GBA2: variants seen among roughly 807,000 people sequenced by gnomAD.
The protein encoded by GBA2 is non-lysosomal glucosylceramidase.
GBA2 carries 79 observed loss-of-function variants against 112.9 expected under a neutral mutation model. The ratio of observed to expected loss-of-function variants is 0.70; its 90% CI spans 0.58 to 0.84. The LOEUF (loss-of-function observed/expected upper bound fraction) is 0.84, where lower values mean the gene tolerates loss of function less well. GBA2 is among the 40% of genes least tolerant of loss of function. The pLI is 0.00. For missense variants in GBA2, 1,043 were observed against 1,190.0 expected (o/e 0.88, Z 1.82); for synonymous variants, 403 against 434.3 (o/e 0.93, Z 0.90).
intron 3 of GBA2, among the ~76,000 whole-genome samples, chr9:35,742,617 T>C (rs937108126): frequency 1.3e-5 from 2 of 152,196 alleles, no homozygotes; most frequent in African/African-American, 4.8e-5. Context: ...GGGACATTTT[T>C]TAATTCACTG....
At position 35,740,906 on chromosome 9, in the gene GBA2, G is replaced by C. The variant is rs369520290; in HGVS notation, c.945C>G (p.Ser315Arg). 6.2e-7 allele frequency: 1 copy of C among 1,613,772 alleles called. No homozygotes were observed. Among genetic ancestry groups the C allele is most frequent in the Non-Finnish European group, 8.5e-7 (1 of 1,179,786 alleles). ...LWNEPFCLER[S>R]GETVRGLLLH... ...GGAGCAGCCCCCGGACAGTTTCCCC[G>C]CTACGCTCCAGACAGAAGGGCTCAT... is the stretch of plus-strand genomic sequence containing the variant. Residue 315 changes from serine (S) to arginine (R), a missense_variant, in exon 5 of 17, where the codon AGC (serine) becomes AGG (arginine). Transcript: ENST00000378103. This position sits in a 1 kb window ranked among gnomAD's most constrained non-coding sequence, Gnocchi z 4.7.
In GBA2 at chr9:35,737,675, G is replaced by A. The variant is rs1357658760; in HGVS notation, c.2505+73C>T. ...AGATGGCATTGGGTTATGCCTTGAAGAAATTTGGTGGTTGAGGAAGTTTTC... is the reference window on the plus strand; with the variant it reads ...AGATGGCATTGGGTTATGCCTTGAAAAAATTTGGTGGTTGAGGAAGTTTTC... On this transcript the variant is annotated intron_variant, in intron 16 of 16. Coordinates refer to ENST00000378103, the MANE Select transcript of GBA2 (RefSeq NM_020944.3). This position sits in a 1 kb window ranked among gnomAD's most constrained non-coding sequence, Gnocchi z 4.1. 5.0e-6 allele frequency: 8 copies of A among 1,612,430 alleles called. No individual in the cohort carries two copies. The highest frequency in any genetic ancestry group is 1.7e-5 in the Admixed American group (1 of 59,882).
Position 35,740,708 on chromosome 9 carries a change from A to T in GBA2, c.1027-80T>A. ...GCTAGCTCCCCAGCTCCTCTTACTT[A>T]CTCTTAACCTCCCAGGCCCAGGGGC... On this transcript the variant is annotated intron_variant, in intron 5 of 16. Coordinates refer to ENST00000378103, the MANE Select transcript of GBA2 (RefSeq NM_020944.3). The surrounding 1 kb of genome is among the most constrained non-coding windows in gnomAD (Gnocchi z 4.7). The T allele has an allele frequency of 6.6e-7, 1 of 1,522,900 alleles. No homozygotes were observed. Among genetic ancestry groups the T allele is most frequent in the South Asian group, 1.1e-5 (1 of 87,000 alleles). The allele number at this position is 1,522,900 out of a possible 1,614,324, so 94.3% of individuals were successfully genotyped here.
rs1827116558 is a variant in GBA2, at chr9:35,748,541, T to G, written c.164A>C (p.Lys55Thr). The change falls in exon 1 of 17, where the codon AAA becomes ACA. Residue 55 changes from lysine to threonine, a missense_variant. Lys to Thr is a moderately conservative substitution (Grantham distance 78). Transcript: ENST00000378103. ...CTCCGGATTGCAGCAGTCCGTCTCT[T>G]TTGGGGGTCGGCTGTCTTCGGGACT... ...CKSPEDSRPP[K>T]ETDCCNPEDS... 1 of 1,614,002 alleles carries G rather than the reference T, an allele frequency of 6.2e-7. No homozygotes were observed. Among genetic ancestry groups the G allele is most frequent in the African/African-American group, 1.3e-5 (1 of 74,912 alleles).
At position 35,737,570 on chromosome 9, in the gene GBA2, A is replaced by C; in HGVS notation, c.2506-123T>G. 1 of 1,556,798 alleles carries C rather than the reference A, an allele frequency of 6.4e-7. No homozygotes were observed. The highest frequency in any genetic ancestry group is 1.2e-5 in the South Asian group (1 of 85,248). On this transcript the variant is annotated intron_variant, in intron 16 of 16. Coordinates refer to ENST00000378103, the MANE Select transcript of GBA2 (RefSeq NM_020944.3). The surrounding 1 kb of genome is among the most constrained non-coding windows in gnomAD (Gnocchi z 4.1). Reference sequence around the variant, plus strand: ...GAGCTCCCAGCAAGTGGAGGAGATAACTATGACCCACAGACAGAAGCCTGA... The same window carrying C: ...GAGCTCCCAGCAAGTGGAGGAGATACCTATGACCCACAGACAGAAGCCTGA...
Position 35,739,735 on chromosome 9 carries a change from G to A in GBA2, c.1475C>T (p.Thr492Ile). The change falls in exon 9 of 17, where the codon ACA becomes ATA. Residue 492 changes from threonine to isoleucine, a missense_variant. By Grantham distance (89) the Thr-to-Ile change is moderately conservative. Coordinates refer to ENST00000378103, the MANE Select transcript of GBA2 (RefSeq NM_020944.3). ...GTCCTCAAGAACTTCCAGCCACACT[G>A]TGCCTCCATCAGCCAGGAAGTATAG... is the stretch of plus-strand genomic sequence containing the variant. The part of the protein sequence containing the change: ...NELYFLADGG[T>I]VWLEVLEDSL... 6.2e-7 allele frequency: 1 copy of A among 1,613,882 alleles called. No homozygotes were observed. The highest frequency in any genetic ancestry group is 8.5e-7 in the Non-Finnish European group (1 of 1,179,746).
Position 35,738,879 on chromosome 9 carries a change from T to C in GBA2, c.1820A>G (p.Asn607Ser), listed in dbSNP as rs1554666059. ...DPDDEPWLRV[N>S]AYLIHDTADW... The stretch of plus-strand genomic sequence containing the variant: ...AGCAGTATCATGGATTAAATATGCA[T>C]TGACGCGGAGCCATGGTTCATCATC... Residue 607 changes from asparagine to serine, a missense_variant, in exon 12 of 17, where the codon AAT (asparagine) becomes AGT (serine). Asn to Ser is a conservative substitution (Grantham distance 46, BLOSUM62 1). Transcript: ENST00000378103. The C allele has an allele frequency of 1.9e-6, 3 of 1,614,024 alleles. No homozygotes were observed. The highest frequency in any genetic ancestry group is 1.3e-5 in the African/African-American group (1 of 74,930).
chr9:35,741,325 C>G lies in GBA2; in HGVS notation c.787-261G>C. The G allele has an allele frequency of 4.9e-6, 2 of 409,898 alleles. No homozygotes were observed. The highest frequency in any genetic ancestry group is 8.7e-6 in the Non-Finnish European group (2 of 230,524). The allele number at this position is 409,898 out of a possible 1,614,324, so 25.4% of individuals were successfully genotyped here. ...CTCCCTTTCACAGGCCATGCAGTTTCTTTTTTTTTTTTTTTGGGGGGTGCG... is the reference window on the plus strand; with the variant it reads ...CTCCCTTTCACAGGCCATGCAGTTTGTTTTTTTTTTTTTTTGGGGGGTGCG... On this transcript the variant is annotated intron_variant, in intron 4 of 16. Coordinates refer to ENST00000378103, the MANE Select transcript of GBA2 (RefSeq NM_020944.3). This position sits in a 1 kb window ranked among gnomAD's most constrained non-coding sequence, Gnocchi z 4.6.
In GBA2 at chr9:35,741,903, G is replaced by A. The variant is rs1348144065; in HGVS notation, c.568-13C>T. 6.3e-6 allele frequency: 10 copies of A among 1,593,262 alleles called. No individual in the cohort carries two copies. In the African/African-American group the frequency reaches 1.1e-4, roughly 17 times the overall value. ...GGCACACTGTGAACTTAAGAGGGCA[G>A]ATAGGCTGGAACGGGGTAAACCACA... On this transcript the variant is annotated splice_polypyrimidine_tract_variant and intron_variant, in intron 3 of 16. Coordinates refer to ENST00000378103, the MANE Select transcript of GBA2 (RefSeq NM_020944.3). This position sits in a 1 kb window ranked among gnomAD's most constrained non-coding sequence, Gnocchi z 4.6.
Position 35,737,499 on chromosome 9 carries a change from C to G in GBA2, c.2506-52G>C, listed in dbSNP as rs781574891. The G allele has an allele frequency of 6.3e-7, 1 of 1,590,212 alleles. No homozygotes were observed. The highest frequency in any genetic ancestry group is 2.3e-5 in the East Asian group (1 of 43,288). Reference sequence around the variant, plus strand: ...TACTAACTTGGCACCCTCTGAAGAGCCACTTCCACTGGATAGATGGAGGCA... The same window carrying G: ...TACTAACTTGGCACCCTCTGAAGAGGCACTTCCACTGGATAGATGGAGGCA... On this transcript the variant is annotated intron_variant, in intron 16 of 16. Transcript: ENST00000378103. The surrounding 1 kb of genome is among the most constrained non-coding windows in gnomAD (Gnocchi z 4.1).
At chr9:35,748,009 T>G (rs559042997) in intron 1 of GBA2, among the ~76,000 whole-genome samples, 1 of 152,290 alleles carries the variant, frequency 6.6e-6, no homozygotes, top group East Asian at 1.9e-4. Flanking sequence ...AGCCAGATTA[T>G]CCTTTCCTAC....
chr9:35,744,775 C>A, intron 1 of GBA2, 69 bp from the exon 2 acceptor site: 1 of 823,512 alleles, frequency 1.2e-6, no homozygotes, highest in East Asian at 2.4e-5. Flanking sequence ...GAGTCACCTG[C>A]CTCTCTCTGT....
At position 35,740,392 on chromosome 9, in the gene GBA2, G is replaced by A; in HGVS notation, c.1130-30C>T. 1 of 1,609,274 alleles carries A rather than the reference G, an allele frequency of 6.2e-7. No individual in the cohort carries two copies. The highest frequency in any genetic ancestry group is 8.5e-7 in the Non-Finnish European group (1 of 1,178,124). On this transcript the variant is annotated intron_variant, in intron 6 of 16. Coordinates refer to ENST00000378103, the MANE Select transcript of GBA2 (RefSeq NM_020944.3). The surrounding 1 kb of genome is among the most constrained non-coding windows in gnomAD (Gnocchi z 4.7). ...GAGAAACACAAGAGAATTCAGGACA[G>A]GAGCCCCTTCAGCCCCAGGGATAGG...
At position 35,748,953 on chromosome 9, in the gene GBA2, C is replaced by A. The variant is rs1051603793; in HGVS notation, c.-249G>T. ...CTGGACGGGAAGGGTCGGGCCTCGT[C>A]GTCATTGAGCCGACGATTAGCTCGC... On this transcript the variant is annotated 5_prime_UTR_variant, in exon 1 of 17. Coordinates refer to ENST00000378103, the MANE Select transcript of GBA2 (RefSeq NM_020944.3). 5.4e-6 allele frequency: 2 copies of A among 371,460 alleles called. No homozygotes were observed. The highest frequency in any genetic ancestry group is 8.4e-5 in the East Asian group (2 of 23,920). The allele number at this position is 371,460 out of a possible 1,614,324, so 23.0% of individuals were successfully genotyped here.
In GBA2 at chr9:35,741,726, C is replaced by A; in HGVS notation, c.732G>T (p.Gln244His). The A allele has an allele frequency of 6.2e-7, 1 of 1,614,080 alleles. No homozygotes were observed. Residue 244 changes from glutamine to histidine, a missense_variant, in exon 4 of 17, where the codon CAG (glutamine) becomes CAT (histidine). By Grantham distance (24) the Gln-to-His change is conservative. Coordinates refer to ENST00000378103, the MANE Select transcript of GBA2 (RefSeq NM_020944.3). The surrounding 1 kb of genome is among the most constrained non-coding windows in gnomAD (Gnocchi z 4.6). ...RAWTVYQLPG[Q>H]NVTLTCRQIT... ...TCTGACGGCAGGTGAGGGTGACATT[C>A]TGGCCAGGAAGCTGATAGACAGTCC...
In GBA2 at chr9:35,741,752, A is replaced by C; in HGVS notation, c.706T>G (p.Trp236Gly). ...AFYHALYPRA[W>G]TVYQLPGQNV... ...TGGCCAGGAAGCTGATAGACAGTCC[A>C]GGCTCGGGGATAGAGGGCATGGTAG... The change falls in exon 4 of 17, where the codon TGG becomes GGG. Residue 236 changes from tryptophan to glycine, a missense_variant. Coordinates refer to ENST00000378103, the MANE Select transcript of GBA2 (RefSeq NM_020944.3). This position sits in a 1 kb window ranked among gnomAD's most constrained non-coding sequence, Gnocchi z 4.6. 1 of 1,614,026 alleles carries C rather than the reference A, an allele frequency of 6.2e-7. No homozygotes were observed. The highest frequency in any genetic ancestry group is 8.5e-7 in the Non-Finnish European group (1 of 1,179,914).
rs1327942809 is a variant in GBA2, at chr9:35,739,851, T to A, written c.1410-51A>T. On this transcript the variant is annotated intron_variant, in intron 8 of 16. Transcript: ENST00000378103. ...TTTAAGGAACATGTACCTCCCAAGA[T>A]GGAAAGGATTTGGGGGTTCAGCAGA... 1.9e-6 allele frequency: 3 copies of A among 1,581,774 alleles called. No homozygotes were observed. The Admixed American group carries it at 5.0e-5, about 27-fold the overall frequency.
chr9:35,744,563 G>T, intron 2 of GBA2, 52 bp downstream of exon 2: 1 of 1,185,728 alleles, frequency 8.4e-7, no homozygotes, highest in Non-Finnish European at 1.3e-6. Flanking sequence ...AACTGTGGTA[G>T]ACCTGGAGGC....
Position 35,741,398 on chromosome 9 carries a change from C to T in GBA2, c.786+274G>A, listed in dbSNP as rs1588016845. The T allele has an allele frequency of 1.9e-6, 1 of 535,110 alleles. No homozygotes were observed. The highest frequency in any genetic ancestry group is 3.4e-6 in the Non-Finnish European group (1 of 297,530). The allele number at this position is 535,110 out of a possible 1,614,324, so 33.1% of individuals were successfully genotyped here. A position where few individuals can be genotyped will look rare whatever the true frequency, so the allele number is the denominator to read the frequency against. On this transcript the variant is annotated intron_variant, in intron 4 of 16. Coordinates refer to ENST00000378103, the MANE Select transcript of GBA2 (RefSeq NM_020944.3). This position sits in a 1 kb window ranked among gnomAD's most constrained non-coding sequence, Gnocchi z 4.6. Reference sequence around the variant, plus strand: ...CAAGCTCCGCCTCCCGGGTTCACACCATTATCCTGCCTCAGCCTCCCGAGT... The same window carrying T: ...CAAGCTCCGCCTCCCGGGTTCACACTATTATCCTGCCTCAGCCTCCCGAGT...
Sources: gnomAD v4.1 joint callset for allele counts (sites outside exome capture counted in the v4.1 genomes callset) on GRCh38, gnomAD v4.1.1 for gene constraint, Gnocchi (gnomAD v3.1) non-coding constraint, MANE v1.5 for transcripts, NCBI Gene and HGNC (gene_info 2026-07-23, HGNC 2026-07-21) for gene names.